Variants in FRMD4A observed in about 807,000 individuals in gnomAD.
The protein encoded by FRMD4A is FERM domain-containing protein 4A.
FRMD4A carries 29 observed loss-of-function variants against 129.1 expected under a neutral mutation model. The ratio of observed to expected loss-of-function variants is 0.22; its 90% confidence interval spans 0.17 to 0.31. The LOEUF (loss-of-function observed/expected upper bound fraction) is 0.31, where lower values mean the gene tolerates loss of function less well. Ranked by LOEUF, FRMD4A falls within the 10% of genes least tolerant of loss-of-function variation. The pLI, the probability that FRMD4A is intolerant of heterozygous loss-of-function variation, is 1.00. For missense variants in FRMD4A, 1,272 were observed against 1,375.8 expected, an observed-to-expected ratio of 0.92 and a Z score of 1.19; for synonymous variants, 634 against 571.6, an observed-to-expected ratio of 1.11 and a Z score of -1.56.
At chr10:14,108,377 CT>C (rs1290950332) in intron 2 of FRMD4A, among the ~76,000 whole-genome samples, 1 of 152,200 alleles carries the variant, frequency 6.6e-6, no homozygotes, top group Non-Finnish European at 1.5e-5. Context: ...CCAAATCTGT[CT>C]GAAGGTTCTA....
In FRMD4A at chr10:14,275,700, G is replaced by A. The variant is rs552926040; in HGVS notation, c.45+54358C>T. 4.4e-4 allele frequency among the ~76,000 whole-genome samples: 67 copies of A among 152,270 alleles called. 1 individual carries two copies. In the South Asian group the frequency reaches 5.4e-3, roughly 12 times the overall value. On this transcript the variant is annotated intron_variant, in intron 2 of 24. Coordinates refer to ENST00000357447, the MANE Select transcript of FRMD4A (RefSeq NM_018027.5). ...AAGCATCTCTGAATTTAGGTAAAGCGTTAAGCCTTTTTTCTCAAGAGTCCA... is the reference window on the plus strand; with the variant it reads ...AAGCATCTCTGAATTTAGGTAAAGCATTAAGCCTTTTTTCTCAAGAGTCCA...
chr10:13,925,054 A>C (rs1251299295), intron 2 of FRMD4A, among the ~76,000 whole-genome samples: 1 of 107,674 alleles, frequency 9.3e-6, no homozygotes, highest in Non-Finnish European at 1.8e-5. Flanking sequence ...ACAGTGCGAG[A>C]CTCCGTGTAA....
At chr10:13,945,038 C>T (rs1054043758) in intron 2 of FRMD4A, among the ~76,000 whole-genome samples, 11 of 152,136 alleles carry the variant, frequency 7.2e-5, no homozygotes, top group African/African-American at 1.9e-4. Flanking sequence ...ATCGCCCCTC[C>T]GGTCTCTCCA....
At chr10:14,152,407 C>T (rs974070802) in intron 2 of FRMD4A, among the ~76,000 whole-genome samples, 8 of 152,130 alleles carry the variant, frequency 5.3e-5, no homozygotes, top group African/African-American at 7.2e-5. Flanking sequence ...GGATTACAGG[C>T]GTGAGCCACC....
chr10:13,967,294 G>A lies in FRMD4A; in HGVS notation c.46-108382C>T, dbSNP rs113665823. ...GGAGCTTGCGGTGAGCTGAGATCGC[G>A]CCACTGCACTCCAGCCTGGGCGACA... is the stretch of plus-strand genomic sequence containing the variant. On this transcript the variant is annotated intron_variant, in intron 2 of 24. Coordinates refer to ENST00000357447, the MANE Select transcript of FRMD4A (RefSeq NM_018027.5). 5.8e-3 allele frequency among the ~76,000 whole-genome samples: 876 copies of A among 152,078 alleles called. 10 individuals are homozygous for A. The highest frequency in any genetic ancestry group is 0.019 in the African/African-American group (773 of 41,474).
chr10:14,213,200 T>C (rs1842979238), intron 2 of FRMD4A, among the ~76,000 whole-genome samples: 1 of 152,138 alleles, frequency 6.6e-6, no homozygotes, highest in African/African-American at 2.4e-5. Context: ...GCTATGATTG[T>C]GCCACCACAC....
rs150901819 is a variant in FRMD4A at position 14,117,755 on chromosome 10, G to A, written c.45+212303C>T. 2.0e-3 allele frequency among the ~76,000 whole-genome samples: 303 copies of A among 152,310 alleles called. 2 individuals are homozygous for A. Among genetic ancestry groups the A allele is most frequent in the African/African-American group, 6.8e-3 (282 of 41,570 alleles). On this transcript the variant is annotated intron_variant, in intron 2 of 24. Coordinates refer to ENST00000357447, the MANE Select transcript of FRMD4A (RefSeq NM_018027.5). ...TCAATATTTCTTGTGTACCTGTCACGTGCTAGGTGCCTTTCAGGCCGTGCC... is the reference window on the plus strand; with the variant it reads ...TCAATATTTCTTGTGTACCTGTCACATGCTAGGTGCCTTTCAGGCCGTGCC...
chr10:14,275,758 G>A lies in FRMD4A; in HGVS notation c.45+54300C>T, dbSNP rs149624199. ...CTTCAAAAATACAAAATGGTGAGTGGCCGGGAGTGGCAGCTCACATCTGTA... is the reference window on the plus strand; with the variant it reads ...CTTCAAAAATACAAAATGGTGAGTGACCGGGAGTGGCAGCTCACATCTGTA... On this transcript the variant is annotated intron_variant, in intron 2 of 24. Transcript: ENST00000357447. Among the ~76,000 whole-genome samples the A allele has an allele frequency of 4.8e-4, 73 of 152,284 alleles. 2 individuals carry two copies. The highest frequency in any genetic ancestry group is 1.7e-3 in the African/African-American group (72 of 41,558).
intron 2 of FRMD4A, among the ~76,000 whole-genome samples, chr10:13,938,320 A>C (rs11258732): frequency 0.1 from 15,216 of 151,876 alleles, 853 homozygotes; most frequent in Middle Eastern, 0.2. Flanking sequence ...CGGCTCACTG[A>C]AACCTCTGCC....
At chr10:13,956,960 C>G (rs189252653) in intron 2 of FRMD4A, among the ~76,000 whole-genome samples, 1 of 152,298 alleles carries the variant, frequency 6.6e-6, no homozygotes, top group East Asian at 1.9e-4. Flanking sequence ...TCCCTCCAGC[C>G]CCCACACTGG....
intron 4 of FRMD4A, among the ~76,000 whole-genome samples, chr10:13,800,407 A>C (rs56403750): frequency 0.13 from 20,277 of 152,230 alleles, 1,492 homozygotes; most frequent in African/African-American, 0.18. Context: ...TATGATAAAC[A>C]GTCTGATGGG....
rs374074686 is a variant in FRMD4A, at chr10:13,656,710, C to A, written c.2879G>T (p.Ser960Ile). 1.9e-6 allele frequency: 3 copies of A among 1,584,694 alleles called. No homozygotes were observed. Among genetic ancestry groups the A allele is most frequent in the Admixed American group, 1.8e-5 (1 of 56,790 alleles). The change falls in exon 22 of 25, where the codon AGC (serine) becomes ATC (isoleucine). Residue 960 changes from serine to isoleucine, a missense_variant. By Grantham distance (142) the Ser-to-Ile change is moderately radical. This residue lies in a region of FRMD4A where 972 missense variants were observed against 892.3 expected (regional missense o/e 1.09). Coordinates refer to ENST00000357447, the MANE Select transcript of FRMD4A (RefSeq NM_018027.5). ...CACGAAGGTGCTCTGGGAGGAGGTG[C>A]TGTACTGCGAGCCGCTGTCCGAGGA... ...STSSDSGSQY[S>I]TSSQSTFVAH... is the part of the protein sequence containing the mutation.
At chr10:14,029,657 A>T (rs1486514321) in intron 2 of FRMD4A, among the ~76,000 whole-genome samples, 1 of 152,172 alleles carries the variant, frequency 6.6e-6, no homozygotes, top group Non-Finnish European at 1.5e-5. Context: ...ATCAGTCAGT[A>T]AGACACATTA....
chr10:13,907,504 G>C (rs1414629910), intron 2 of FRMD4A, among the ~76,000 whole-genome samples: 1 of 152,076 alleles, frequency 6.6e-6, no homozygotes, highest in Non-Finnish European at 1.5e-5. Context: ...CAGACAAAAT[G>C]AAATGCCACA....
At chr10:13,746,260 G>GA (rs1392830134) in intron 9 of FRMD4A, among the ~76,000 whole-genome samples, 1 of 152,080 alleles carries the variant, frequency 6.6e-6, no homozygotes, top group Non-Finnish European at 1.5e-5. Flanking sequence ...CGCCAGGCTG[G>GA]AGTGCAGTGG....
At chr10:13,655,550 A>AAC (rs34338877) in intron 22 of FRMD4A, 85,487 of 151,760 alleles carry the variant, frequency 0.56, 25,738 homozygotes, top group African/African-American at 0.78. Flanking sequence ...GACCCTAATA[A>AAC]ACGTCCACGG....
At chr10:14,028,497 A>T (rs186523131) in intron 2 of FRMD4A, among the ~76,000 whole-genome samples, 5 of 152,322 alleles carry the variant, frequency 3.3e-5, no homozygotes, top group Non-Finnish European at 5.9e-5. Flanking sequence ...ACTGTTCTCC[A>T]TGCTCTGATC....
rs80061295 is a variant in FRMD4A, at chr10:13,886,791, C to T, written c.46-27879G>A. ...GTCTAAACAGATCCATGTTGGAGTG[C>T]GGTCTGCTACACTCACTCAGCGATT... On this transcript the variant is annotated intron_variant, in intron 2 of 24. Transcript: ENST00000357447. 5.5e-3 allele frequency among the ~76,000 whole-genome samples: 837 copies of T among 152,234 alleles called. 6 individuals carry two copies. The highest frequency in any genetic ancestry group is 0.019 in the African/African-American group (778 of 41,542).
chr10:14,239,746 G>C (rs909065256), intron 2 of FRMD4A, among the ~76,000 whole-genome samples: 1 of 152,214 alleles, frequency 6.6e-6, no homozygotes, highest in Admixed American at 6.5e-5. Flanking sequence ...CCTGACTGTT[G>C]AGATTGCACA....
Sources: gnomAD v4.1 joint callset for allele counts (sites outside exome capture counted in the v4.1 genomes callset) on GRCh38, gnomAD v4.1.1 for gene constraint, gnomAD v4.1.1 regional missense constraint, MANE v1.5 for transcripts, NCBI Gene and HGNC (gene_info 2026-07-23, HGNC 2026-07-21) for gene names.